The following URB2 variants were observed in gnomAD, a reference collection of about 807,000 sequenced individuals.
The protein encoded by URB2 is URB2 ribosome biogenesis homolog.
In URB2, 86 loss-of-function variants were observed where a neutral mutation model predicts 120.9. The ratio of observed to expected loss-of-function variants is 0.71; its 90% CI spans 0.60 to 0.85. URB2 has a LOEUF of 0.85. Ranked by LOEUF, URB2 falls within the 40% of genes least tolerant of loss-of-function variation. The probability of loss-of-function intolerance (pLI) is 0.00; values close to 1 mark genes in which losing one functional copy is unlikely to be tolerated. For missense variants in URB2, 1,765 were observed against 1,836.5 expected (o/e 0.96, Z 0.71); for synonymous variants, 755 against 758.4 (o/e 1.00, Z 0.07).
At chr1:229,634,536 A>C (rs1454994517) in intron 3 of URB2, among the ~76,000 whole-genome samples, 1 of 152,208 alleles carries the variant, frequency 6.6e-6, no homozygotes, top group Admixed American at 6.5e-5. Context: ...ACAAGATCAT[A>C]ATTTAAGTGC....
In URB2 at chr1:229,635,424, A is replaced by G. The variant is rs914782919; in HGVS notation, c.811A>G (p.Met271Val). The G allele has an allele frequency of 2.5e-6, 4 of 1,613,978 alleles. No homozygotes were observed. Among genetic ancestry groups the G allele is most frequent in the Non-Finnish European group, 3.4e-6 (4 of 1,179,932 alleles). Residue 271 changes from methionine to valine, a missense_variant, in exon 4 of 10, where the codon ATG becomes GTG. Met to Val is a conservative substitution (Grantham distance 21). Transcript: ENST00000258243. Reference sequence around the variant, plus strand: ...GCAAGGGGATGTGAAGACGGGAGCCATGAAGAACCTTCTGGCTCCCATGGA... The same window carrying G: ...GCAAGGGGATGTGAAGACGGGAGCCGTGAAGAACCTTCTGGCTCCCATGGA... ...QQQGDVKTGA[M>V]KNLLAPMDTV...
chr1:229,643,875 T>C (rs879274178), intron 5 of URB2, among the ~76,000 whole-genome samples, 182 bp downstream of exon 5: 2 of 152,240 alleles, frequency 1.3e-5, no homozygotes, highest in African/African-American at 4.8e-5. Context: ...GGCTGCGGCA[T>C]AGGGAGGCCT....
At chr1:229,655,046 G>T (rs1423402658) in intron 9 of URB2, among the ~76,000 whole-genome samples, 2 of 152,180 alleles carry the variant, frequency 1.3e-5, no homozygotes, top group Non-Finnish European at 2.9e-5. Flanking sequence ...CCCCTCAGCT[G>T]CAAGAGTTCA....
intron 7 of URB2, among the ~76,000 whole-genome samples, chr1:229,649,662 C>A (rs945128512): frequency 6.6e-6 from 1 of 151,918 alleles, no homozygotes; most frequent in Non-Finnish European, 1.5e-5. Flanking sequence ...ATGGTAGGCC[C>A]ACACTGATGT....
In URB2 at chr1:229,637,255, A is replaced by T; in HGVS notation, c.2642A>T (p.Asp881Val). The T allele has an allele frequency of 6.2e-7, 1 of 1,614,054 alleles. No homozygotes were observed. Among genetic ancestry groups the T allele is most frequent in the Non-Finnish European group, 8.5e-7 (1 of 1,179,944 alleles). ...AACTTACTGTCCCTGGTCAAGAGTG[A>T]CTTCCCTATCCAGCTGGAGGGAGAG... The part of the protein sequence containing the change: ...AQNLLSLVKS[D>V]FPIQLEGEQL... The change falls in exon 4 of 10, where the codon GAC becomes GTC. Residue 881 changes from aspartate (D) to valine (V), a missense_variant. Transcript: ENST00000258243.
chr1:229,645,784 GTCTTCT>G, intron 5 of URB2, 69 bp from the exon 6 acceptor site: 2 of 1,286,190 alleles, frequency 1.6e-6, no homozygotes, highest in Non-Finnish European at 2.3e-6. Context: ...CCAGAGAGCA[GTCTTCT>G]TCCCCAGGCG....
At chr1:229,651,471 A>T (rs566868003) in intron 8 of URB2, 149 bp downstream of exon 8, 18 of 635,108 alleles carry the variant, frequency 2.8e-5, no homozygotes, top group Middle Eastern at 3.7e-4. Context: ...TATATTTTTT[A>T]AAATTTCAAA....
chr1:229,637,405 G>A lies in URB2; in HGVS notation c.2792G>A (p.Cys931Tyr). The A allele has an allele frequency of 1.9e-6, 3 of 1,614,168 alleles. No homozygotes were observed. Among genetic ancestry groups the A allele is most frequent in the Non-Finnish European group, 2.5e-6 (3 of 1,180,030 alleles). The change falls in exon 4 of 10, where the codon TGC becomes TAC. Residue 931 changes from cysteine to tyrosine, a missense_variant. By Grantham distance (194) the Cys-to-Tyr change is radical. Coordinates refer to ENST00000258243, the MANE Select transcript of URB2 (RefSeq NM_014777.4). ...TCCATGGCCGTCACCAAACTAGGAT[G>A]CTCTTGCTCCTCCTCACTGGCTCTC... ...LLSMAVTKLG[C>Y]SCSSSLALKF...
At position 229,636,993 on chromosome 1, in the gene URB2, G is replaced by A. The variant is rs538675658; in HGVS notation, c.2380G>A (p.Ala794Thr). 1.9e-4 allele frequency: 312 copies of A among 1,614,064 alleles called. 3 individuals carry two copies. The South Asian group carries it at 2.3e-3, about 12-fold the overall frequency. Reference sequence around the variant, plus strand: ...CATCACACTGGAAAAAATATCCAAAGCCTTCCTTCATAGCCCTCTCTTTCC... The same window carrying A: ...CATCACACTGGAAAAAATATCCAAAACCTTCCTTCATAGCCCTCTCTTTCC... ...AYITLEKISK[A>T]FLHSPLFPEM... The change falls in exon 4 of 10, where the codon GCC becomes ACC. Residue 794 changes from alanine to threonine, a missense_variant. By Grantham distance (58) the Ala-to-Thr change is moderately conservative. Transcript: ENST00000258243.
At position 229,635,963 on chromosome 1, in the gene URB2, G is replaced by C; in HGVS notation, c.1350G>C (p.Glu450Asp). 1 of 1,614,206 alleles carries C rather than the reference G, an allele frequency of 6.2e-7. No homozygotes were observed. The highest frequency in any genetic ancestry group is 2.2e-5 in the East Asian group (1 of 44,886). The change falls in exon 4 of 10, where the codon GAG becomes GAC. Residue 450 changes from glutamate to aspartate, a missense_variant. Physicochemically the swap from Glu to Asp is conservative, Grantham distance 45. Transcript: ENST00000258243. ...AGTTTCGAACCAAAAAAGCCCAGGA[G>C]GCGCTTATTCGTACTGTCTTCCAGA... ...VTEFRTKKAQ[E>D]ALIRTVFQTY...
chr1:229,646,108 A>T, intron 6 of URB2, 139 bp downstream of exon 6: 1 of 726,704 alleles, frequency 1.4e-6, no homozygotes. Flanking sequence ...GGCGGTGGTG[A>T]GCAGGATGCC....
chr1:229,636,673 T>C lies in URB2; in HGVS notation c.2060T>C (p.Met687Thr). The C allele has an allele frequency of 6.2e-7, 1 of 1,614,236 alleles. No individual in the cohort carries two copies. Among genetic ancestry groups the C allele is most frequent in the East Asian group, 2.2e-5 (1 of 44,884 alleles). The change falls in exon 4 of 10, where the codon ATG (methionine) becomes ACG (threonine). Residue 687 changes from methionine to threonine, a missense_variant. Physicochemically the swap from Met to Thr is moderately conservative, Grantham distance 81. Transcript: ENST00000258243. ...LYLQKMKRTLMQTSFRSEGAI... is the reference protein window; with the variant it reads ...LYLQKMKRTLTQTSFRSEGAI... ...CTGCAGAAAATGAAAAGGACTTTAA[T>C]GCAAACTAGTTTCCGGTCTGAAGGA...
Position 229,654,230 on chromosome 1 carries a change from A to G in URB2, c.4238-19A>G, listed in dbSNP as rs1056844906. 1.2e-6 allele frequency: 2 copies of G among 1,610,666 alleles called. No homozygotes were observed. ...CTGTTTTTGAACTAATTGGTTGGGA[A>G]ACACTTTGTTGTCTGTAGGAAGCAT... On this transcript the variant is annotated intron_variant, in intron 8 of 9. Coordinates refer to ENST00000258243, the MANE Select transcript of URB2 (RefSeq NM_014777.4).
chr1:229,639,552 G>A (rs1558167026), intron 4 of URB2, among the ~76,000 whole-genome samples: 1 of 152,036 alleles, frequency 6.6e-6, no homozygotes, highest in African/African-American at 2.4e-5. Context: ...TAGCCAGGAT[G>A]GTCTCGATAT....
At chr1:229,642,419 C>T (rs1666032190) in intron 4 of URB2, among the ~76,000 whole-genome samples, 1 of 152,114 alleles carries the variant, frequency 6.6e-6, no homozygotes, top group Non-Finnish European at 1.5e-5. Flanking sequence ...TAGGTCTTTA[C>T]CTCTCAAAAG....
At chr1:229,655,228 T>C (rs1360440455) in intron 9 of URB2, among the ~76,000 whole-genome samples, 1 of 152,228 alleles carries the variant, frequency 6.6e-6, no homozygotes, top group Non-Finnish European at 1.5e-5. Context: ...AATTCACTAT[T>C]CAACAGTTAT....
In URB2 at chr1:229,627,641, C is replaced by A. The variant is rs1358001550; in HGVS notation, c.8C>A (p.Ala3Asp). 12 of 1,611,970 alleles carry A rather than the reference C, an allele frequency of 7.4e-6. No individual in the cohort carries two copies. Among genetic ancestry groups the A allele is most frequent in the Middle Eastern group, 1.7e-4 (1 of 6,054 alleles). Residue 3 changes from alanine to aspartate, a missense_variant, in exon 2 of 10, where the codon GCT (alanine) becomes GAT (aspartate). By Grantham distance (126) the Ala-to-Asp change is moderately radical. Coordinates refer to ENST00000258243, the MANE Select transcript of URB2 (RefSeq NM_014777.4). MA[A>D]VYSGISLKLK... ...TTTAGATAAAGCCTAGCCATGGCTG[C>A]TGTTTATTCTGGCATTTCCCTTAAG...
intron 8 of URB2, among the ~76,000 whole-genome samples, chr1:229,653,772 A>G (rs1159660866): frequency 6.6e-6 from 1 of 152,252 alleles, no homozygotes; most frequent in Admixed American, 6.5e-5. Flanking sequence ...CTGTCCACCT[A>G]TAAAAGGCAC....
At chr1:229,644,536 C>T (rs918309198) in intron 5 of URB2, among the ~76,000 whole-genome samples, 3 of 152,042 alleles carry the variant, frequency 2.0e-5, no homozygotes, top group Non-Finnish European at 4.4e-5. Flanking sequence ...GTGCAGGCAG[C>T]GTGTTGGGCT....
Sources: gnomAD v4.1 joint callset for allele counts (sites outside exome capture counted in the v4.1 genomes callset) on GRCh38, gnomAD v4.1.1 for gene constraint, MANE v1.5 for transcripts, NCBI Gene and HGNC (gene_info 2026-07-23, HGNC 2026-07-21) for gene names.